MCC: variants seen among roughly 807,000 people sequenced by gnomAD.
The protein encoded by MCC is colorectal mutant cancer protein.
A neutral mutation model predicts 116.2 loss-of-function variants in MCC; 90 were observed. The ratio of observed to expected loss-of-function variants is 0.77; its 90% CI spans 0.65 to 0.92. MCC has a LOEUF of 0.92. Ranked by LOEUF, MCC falls within the 40% of genes least tolerant of loss-of-function variation. The pLI is 0.00. For synonymous variants in MCC, 578 were observed against 510.5 expected (o/e 1.13, Z -1.78); for missense variants, 1,516 against 1,312.2 (o/e 1.16, Z -2.40).
intron 5 of MCC, among the ~76,000 whole-genome samples, chr5:113,134,220 G>C (rs1758651932): frequency 6.6e-6 from 1 of 152,092 alleles, no homozygotes; most frequent in African/African-American, 2.4e-5. Flanking sequence ...CTTATGTCTA[G>C]GTTTTAATCT....
intron 3 of MCC, among the ~76,000 whole-genome samples, chr5:113,169,188 A>AG (rs1357672043): frequency 6.6e-6 from 1 of 152,122 alleles, no homozygotes; most frequent in Admixed American, 6.6e-5. Flanking sequence ...GAGGAGAAAA[A>AG]GGGGAAAAGA....
chr5:113,269,167 T>C, intron 3 of MCC: 1 of 985,310 alleles, frequency 1.0e-6, no homozygotes, highest in Non-Finnish European at 1.2e-6. Context: ...ATTCTCTGCT[T>C]ACCAAACCCA....
At chr5:113,259,075 A>G (rs565444432) in intron 3 of MCC, among the ~76,000 whole-genome samples, 11 of 152,322 alleles carry the variant, frequency 7.2e-5, no homozygotes, top group African/African-American at 2.4e-4. Flanking sequence ...AAACCCACCC[A>G]TATTTTTATA....
chr5:113,371,292 A>G (rs140758801), intron 2 of MCC, among the ~76,000 whole-genome samples: 160 of 152,318 alleles, frequency 1.1e-3, no homozygotes, highest in African/African-American at 3.6e-3. Flanking sequence ...CAGCCATGAC[A>G]CAATTAGTTT....
chr5:113,420,750 G>A (rs553472299), intron 1 of MCC, among the ~76,000 whole-genome samples: 3 of 152,278 alleles, frequency 2.0e-5, no homozygotes, highest in Non-Finnish European at 4.4e-5. Flanking sequence ...TATTAACCCA[G>A]TTTTTTCATA....
In MCC at chr5:113,056,407, G is replaced by C. The variant is rs148122920; in HGVS notation, c.2214-2448C>G. 3.7e-3 allele frequency among the ~76,000 whole-genome samples: 563 copies of C among 152,270 alleles called. 3 individuals carry two copies. Among genetic ancestry groups the C allele is most frequent in the African/African-American group, 0.013 (542 of 41,546 alleles). On this transcript the variant is annotated intron_variant, in intron 14 of 18. Transcript: ENST00000408903. Reference sequence around the variant, plus strand: ...CTATGTAGCCATAAAAAAAGAATGAGGTCATGTCATTTGCAGAAACATGGA... The same window carrying C: ...CTATGTAGCCATAAAAAAAGAATGACGTCATGTCATTTGCAGAAACATGGA...
In MCC at chr5:113,026,085, G is replaced by A. The variant is rs1443555368; in HGVS notation, c.*1217C>T. ...ATAATGAATTTGTTTTAAGATTGAAGACCTTCCTGAAATAATTCAGTTACT... is the reference window on the plus strand; with the variant it reads ...ATAATGAATTTGTTTTAAGATTGAAAACCTTCCTGAAATAATTCAGTTACT... On this transcript the variant is annotated 3_prime_UTR_variant, in exon 19 of 19. Coordinates refer to ENST00000408903, the MANE Select transcript of MCC (RefSeq NM_001085377.2). The A allele has an allele frequency of 6.6e-6, 1 of 152,204 alleles. No individual in the cohort carries two copies. Among genetic ancestry groups the A allele is most frequent in the Non-Finnish European group, 1.5e-5 (1 of 68,046 alleles). The allele number at this position is 152,204 out of a possible 1,614,324, so 9.4% of individuals were successfully genotyped here. A position where few individuals can be genotyped will look rare whatever the true frequency, so the allele number is the denominator to read the frequency against.
intron 11 of MCC, among the ~76,000 whole-genome samples, chr5:113,080,695 C>G (rs1561789813): frequency 6.6e-6 from 1 of 151,696 alleles, no homozygotes; most frequent in Non-Finnish European, 1.5e-5. Context: ...GGAGATATAC[C>G]TAATGTAAAT....
chr5:113,048,562 A>G (rs1580922612), intron 16 of MCC: 1 of 140,732 alleles, frequency 7.1e-6, no homozygotes, highest in Non-Finnish European at 1.6e-5. Flanking sequence ...ACATATTGTT[A>G]TAATTGTTCT....
At chr5:113,430,059 T>G (rs2150410406) in intron 1 of MCC, among the ~76,000 whole-genome samples, 1 of 152,330 alleles carries the variant, frequency 6.6e-6, no homozygotes, top group African/African-American at 2.4e-5. Flanking sequence ...TAGATTTCCC[T>G]TCTATGGATC....
intron 3 of MCC, among the ~76,000 whole-genome samples, chr5:113,205,804 G>C (rs965099101): frequency 1.3e-5 from 2 of 152,230 alleles, no homozygotes; most frequent in Non-Finnish European, 2.9e-5. Flanking sequence ...GGTAGATAGA[G>C]CATTCTCCCA....
chr5:113,461,064 G>A (rs1771728875), intron 1 of MCC, among the ~76,000 whole-genome samples: 1 of 152,132 alleles, frequency 6.6e-6, no homozygotes, highest in Non-Finnish European at 1.5e-5. Context: ...TTTGAGACCA[G>A]CCTGGGCAAA....
intron 2 of MCC, among the ~76,000 whole-genome samples, chr5:113,342,905 T>C (rs1768049501): frequency 6.6e-6 from 1 of 152,208 alleles, no homozygotes; most frequent in Non-Finnish European, 1.5e-5. Flanking sequence ...ACAGGACGTG[T>C]ACTGGGTCCT....
intron 2 of MCC, among the ~76,000 whole-genome samples, chr5:113,377,759 T>C (rs1055260296): frequency 6.6e-6 from 1 of 152,238 alleles, no homozygotes; most frequent in African/African-American, 2.4e-5. Flanking sequence ...GATAGTTGCT[T>C]CACAGCATTC....
chr5:113,036,012 CTTTTTTTTTTTTTTTTTTTTTTTTTTTT>C (rs771378295), intron 17 of MCC, among the ~76,000 whole-genome samples: 12 of 62,904 alleles, frequency 1.9e-4, no homozygotes, highest in African/African-American at 5.2e-4. Context: ...GGATGAGGAA[CTTTTTTTTTTTTTTTTTTTTTTTTTTTT>C]TTTTTTTTTT....
At chr5:113,157,264 G>A (rs1368973903) in intron 3 of MCC, among the ~76,000 whole-genome samples, 3 of 152,150 alleles carry the variant, frequency 2.0e-5, no homozygotes, top group Admixed American at 1.3e-4. Context: ...CCTTCATCAC[G>A]CCAGGACTCT....
intron 3 of MCC, among the ~76,000 whole-genome samples, chr5:113,153,879 G>C (rs1760026148): frequency 2.0e-5 from 3 of 152,226 alleles, no homozygotes; most frequent in Admixed American, 1.3e-4. Context: ...GGAATCCAGA[G>C]ACTGACTTGC....
intron 8 of MCC, among the ~76,000 whole-genome samples, chr5:113,090,283 G>T (rs1431447545): frequency 1.3e-5 from 2 of 151,888 alleles, no homozygotes; most frequent in African/African-American, 4.8e-5. Flanking sequence ...CCCATCTGAT[G>T]GCTTCTATTT....
intron 3 of MCC, among the ~76,000 whole-genome samples, chr5:113,175,855 G>A (rs998144085): frequency 6.6e-6 from 1 of 151,676 alleles, no homozygotes; most frequent in Non-Finnish European, 1.5e-5. Context: ...TGAGTCTGGA[G>A]ACAAATTTAG....
Sources: gnomAD v4.1 joint callset for allele counts (sites outside exome capture counted in the v4.1 genomes callset) on GRCh38, gnomAD v4.1.1 for gene constraint, MANE v1.5 for transcripts, NCBI Gene and HGNC (gene_info 2026-07-23, HGNC 2026-07-21) for gene names.